Variants in ASXL3 observed in about 807,000 individuals in gnomAD.
ASXL3 encodes the protein putative Polycomb group protein ASXL3.
ASXL3 carries 34 observed loss-of-function variants against 170.6 expected under a neutral mutation model. That is an observed-to-expected ratio of 0.20 (90% CI 0.15 to 0.27). ASXL3 has a LOEUF of 0.27. Among genes scored for constraint, ASXL3 ranks in the 10% least tolerant of loss-of-function variants. ASXL3 has a pLI of 1.00. For missense variants in ASXL3, 2,592 were observed against 2,695.3 expected, an observed-to-expected ratio of 0.96 and a Z score of 0.85; for synonymous variants, 1,002 against 989.1, an observed-to-expected ratio of 1.01 and a Z score of -0.24.
intron 2 of ASXL3, among the ~76,000 whole-genome samples, chr18:33,638,602 G>A (rs781493463): frequency 6.6e-6 from 1 of 152,184 alleles, no homozygotes; most frequent in East Asian, 1.9e-4. Context: ...AATAGAGGAG[G>A]CAGTTCTATG....
At chr18:33,707,546 G>A (rs2066982138) in intron 8 of ASXL3, among the ~76,000 whole-genome samples, 1 of 151,782 alleles carries the variant, frequency 6.6e-6, no homozygotes, top group Non-Finnish European at 1.5e-5. Context: ...CAGTGAATGT[G>A]CTAATTCACG....
At chr18:33,593,574 A>G (rs1599376207) in intron 1 of ASXL3, among the ~76,000 whole-genome samples, 2 of 152,304 alleles carry the variant, frequency 1.3e-5, no homozygotes, top group African/African-American at 4.8e-5. Context: ...GACCACATGC[A>G]TCTTAAACCA....
intron 7 of ASXL3, among the ~76,000 whole-genome samples, chr18:33,677,243 C>G (rs1404337052): frequency 6.6e-6 from 1 of 152,056 alleles, no homozygotes; most frequent in Non-Finnish European, 1.5e-5. Flanking sequence ...TTAAATAAAT[C>G]AAAGCATAAA....
intron 4 of ASXL3, among the ~76,000 whole-genome samples, chr18:33,652,187 G>T (rs756205713): frequency 1.3e-5 from 2 of 151,926 alleles, no homozygotes; most frequent in Non-Finnish European, 2.9e-5. Flanking sequence ...ATTTTAGTCA[G>T]AGATTTATGG....
intron 2 of ASXL3, among the ~76,000 whole-genome samples, chr18:33,613,395 C>A (rs971252681): frequency 6.6e-6 from 1 of 151,928 alleles, no homozygotes; most frequent in Non-Finnish European, 1.5e-5. Context: ...TCCTCAAAAC[C>A]GACTGCAGTT....
chr18:33,649,361 C>T (rs1351525424), intron 4 of ASXL3, among the ~76,000 whole-genome samples: 2 of 151,942 alleles, frequency 1.3e-5, no homozygotes, highest in African/African-American at 2.4e-5. Flanking sequence ...GGAAGGGGCT[C>T]GTAGAAGTTT....
chr18:33,691,065 A>T (rs1316209853), intron 8 of ASXL3, among the ~76,000 whole-genome samples: 1 of 152,140 alleles, frequency 6.6e-6, no homozygotes, highest in African/African-American at 2.4e-5. Context: ...TCATACCTAG[A>T]TGTTCAGAAG....
intron 1 of ASXL3, among the ~76,000 whole-genome samples, chr18:33,597,272 ATGTATATGT>A (rs1205745984): frequency 6.6e-6 from 1 of 152,016 alleles, no homozygotes; most frequent in East Asian, 1.9e-4. Flanking sequence ...TGTGGTGTAC[ATGTATATGT>A]ACACCACAGA....
chr18:33,693,588 C>T (rs749094094), intron 8 of ASXL3, among the ~76,000 whole-genome samples: 23 of 151,924 alleles, frequency 1.5e-4, no homozygotes, highest in Non-Finnish European at 2.2e-4. Context: ...GTAAAAAGGC[C>T]GTGAAAAGTG....
intron 8 of ASXL3, among the ~76,000 whole-genome samples, chr18:33,713,709 G>C (rs1157572468): frequency 6.6e-6 from 1 of 152,184 alleles, no homozygotes; most frequent in Non-Finnish European, 1.5e-5. Context: ...ATAACTGCAT[G>C]TATACATCAC....
At chr18:33,581,112 A>T (rs2064987960) in intron 1 of ASXL3, among the ~76,000 whole-genome samples, 1 of 152,126 alleles carries the variant, frequency 6.6e-6, no homozygotes, top group Non-Finnish European at 1.5e-5. Flanking sequence ...ATACATATGG[A>T]CTTGAATTCT....
intron 11 of ASXL3, 86 bp downstream of exon 11, chr18:33,740,529 C>T: frequency 7.6e-7 from 1 of 1,309,692 alleles, no homozygotes. Flanking sequence ...ATTAGATTTT[C>T]TTCCTTCTAG....
chr18:33,680,415 A>G (rs984690214), intron 7 of ASXL3, among the ~76,000 whole-genome samples: 1 of 152,038 alleles, frequency 6.6e-6, no homozygotes, highest in Non-Finnish European at 1.5e-5. Flanking sequence ...TCCTGGGGGA[A>G]AAACATGCTT....
intron 8 of ASXL3, chr18:33,690,399 G>C (rs2066669157): frequency 6.6e-6 from 1 of 152,136 alleles, no homozygotes; most frequent in African/African-American, 2.4e-5. Context: ...GTATAGGTAT[G>C]AATACCCATG....
At chr18:33,670,301 GAC>G (rs2066319558) in intron 5 of ASXL3, among the ~76,000 whole-genome samples, 2 of 152,230 alleles carry the variant, frequency 1.3e-5, no homozygotes, top group Admixed American at 1.3e-4. Context: ...GAGAAGTGCA[GAC>G]ACATATATTT....
chr18:33,651,192 T>A (rs1599446872), intron 4 of ASXL3, among the ~76,000 whole-genome samples: 3 of 152,146 alleles, frequency 2.0e-5, no homozygotes, highest in African/African-American at 7.2e-5. Flanking sequence ...ACCCTTGGCT[T>A]ATCCCAATAA....
chr18:33,626,314 C>T (rs1031207202), intron 2 of ASXL3, among the ~76,000 whole-genome samples: 4 of 152,052 alleles, frequency 2.6e-5, no homozygotes, highest in African/African-American at 9.7e-5. Flanking sequence ...GTTGTTCCTT[C>T]TAAGGTTCCT....
chr18:33,696,198 A>T (rs2066770728), intron 8 of ASXL3, among the ~76,000 whole-genome samples: 2 of 151,992 alleles, frequency 1.3e-5, no homozygotes, highest in South Asian at 4.1e-4. Context: ...AACTCCTAGT[A>T]GTTATTATAC....
chr18:33,702,969 G>A (rs6507056), intron 8 of ASXL3, among the ~76,000 whole-genome samples: 1 of 151,940 alleles, frequency 6.6e-6, no homozygotes, highest in Non-Finnish European at 1.5e-5. Flanking sequence ...CAACAATGCG[G>A]TGGGCATAAA....
Sources: gnomAD v4.1 joint callset for allele counts (sites outside exome capture counted in the v4.1 genomes callset) on GRCh38, gnomAD v4.1.1 for gene constraint, MANE v1.5 for transcripts, NCBI Gene and HGNC (gene_info 2026-07-23, HGNC 2026-07-21) for gene names.